The following CSMD1 variants were observed in gnomAD, a reference collection of about 807,000 sequenced individuals.
The protein encoded by CSMD1 is CUB and Sushi multiple domains 1, also known as CUB and sushi domain-containing protein 1.
A neutral mutation model predicts 417.5 loss-of-function variants in CSMD1; 213 were observed. The ratio of observed to expected loss-of-function variants is 0.51; its 90% CI spans 0.46 to 0.57. CSMD1 has a LOEUF of 0.57. Ranked by LOEUF, CSMD1 falls within the 20% of genes least tolerant of loss-of-function variation. The probability of loss-of-function intolerance (pLI) is 0.00; values close to 1 mark genes in which losing one functional copy is unlikely to be tolerated. For synonymous variants in CSMD1, 2,862 were observed against 1,736.8 expected (o/e 1.65, Z -16.11); for missense variants, 6,923 against 4,529.7 (o/e 1.53, Z -15.17).
chr8:4,172,673 G>T (rs996360965), intron 3 of CSMD1, among the ~76,000 whole-genome samples: 1 of 152,162 alleles, frequency 6.6e-6, no homozygotes, highest in African/African-American at 2.4e-5. Flanking sequence ...GCTGGACCAG[G>T]TGTTTCACAC....
intron 5 of CSMD1, among the ~76,000 whole-genome samples, chr8:3,812,621 T>C (rs1019615768): frequency 1.3e-5 from 2 of 152,244 alleles, no homozygotes; most frequent in East Asian, 3.9e-4. Flanking sequence ...GGAAAATACA[T>C]TGACTGACAA....
intron 3 of CSMD1, among the ~76,000 whole-genome samples, chr8:4,294,556 G>A (rs1283480065): frequency 1.3e-5 from 2 of 152,092 alleles, no homozygotes; most frequent in Admixed American, 6.6e-5. Flanking sequence ...ACTTGTCCAT[G>A]GTGCCATGTT....
chr8:3,773,336 T>A (rs1246684087), intron 5 of CSMD1, among the ~76,000 whole-genome samples: 1 of 152,066 alleles, frequency 6.6e-6, no homozygotes, highest in African/African-American at 2.4e-5. Context: ...CAGGCTGGAG[T>A]GCAGTGGTGC....
intron 3 of CSMD1, among the ~76,000 whole-genome samples, chr8:4,149,215 C>T (rs150406310): frequency 2.0e-4 from 30 of 152,174 alleles, no homozygotes; most frequent in Middle Eastern, 3.4e-3. Context: ...CCGTCCACCT[C>T]GGCCTCCCAA....
intron 37 of CSMD1, among the ~76,000 whole-genome samples, chr8:3,172,757 A>G (rs1354470358): frequency 1.3e-5 from 2 of 152,190 alleles, no homozygotes; most frequent in Admixed American, 6.5e-5. Flanking sequence ...CAAACCAAAC[A>G]TCGTCTCCCA....
chr8:4,177,283 A>C (rs10090965), intron 3 of CSMD1, among the ~76,000 whole-genome samples: 43,744 of 151,956 alleles, frequency 0.29, 6,643 homozygotes, highest in South Asian at 0.42. Context: ...AACTCACTCA[A>C]AACCGCTCAA....
At chr8:4,472,687 A>G (rs928057844) in intron 2 of CSMD1, among the ~76,000 whole-genome samples, 1 of 152,048 alleles carries the variant, frequency 6.6e-6, no homozygotes, top group African/African-American at 2.4e-5. Flanking sequence ...TATATCAAGA[A>G]AATATTGAAA....
chr8:4,127,231 C>G (rs1802817071), intron 3 of CSMD1, among the ~76,000 whole-genome samples: 1 of 152,114 alleles, frequency 6.6e-6, no homozygotes, highest in Middle Eastern at 3.4e-3. Flanking sequence ...AACCCATGGC[C>G]TTACGGAAAG....
At chr8:4,409,305 G>A (rs1358367906) in intron 3 of CSMD1, among the ~76,000 whole-genome samples, 2 of 152,008 alleles carry the variant, frequency 1.3e-5, no homozygotes, top group African/African-American at 4.8e-5. Context: ...CAATATATGT[G>A]TTTTTTCTTC....
chr8:4,740,696 G>A (rs756964072), intron 1 of CSMD1, among the ~76,000 whole-genome samples: 56 of 152,180 alleles, frequency 3.7e-4, no homozygotes, highest in Non-Finnish European at 6.5e-4. Flanking sequence ...AGGAGGGTGA[G>A]GTTGAAGTGA....
chr8:4,412,770 C>T (rs1276349337), intron 3 of CSMD1, among the ~76,000 whole-genome samples: 1 of 152,092 alleles, frequency 6.6e-6, no homozygotes, highest in Non-Finnish European at 1.5e-5. Flanking sequence ...TACATTGATA[C>T]CTATACTGAT....
At chr8:4,652,411 G>T (rs1759491082) in intron 1 of CSMD1, among the ~76,000 whole-genome samples, 1 of 152,078 alleles carries the variant, frequency 6.6e-6, no homozygotes, top group Non-Finnish European at 1.5e-5. Context: ...TTCTGCTTTG[G>T]GAGGAAGTGG....
chr8:3,679,229 C>G (rs553873389), intron 7 of CSMD1, among the ~76,000 whole-genome samples: 1 of 152,236 alleles, frequency 6.6e-6, no homozygotes, highest in African/African-American at 2.4e-5. Flanking sequence ...AATTACAAGA[C>G]GCAGACTGGC....
chr8:4,982,134 G>A (rs1810923321), intron 1 of CSMD1, among the ~76,000 whole-genome samples: 1 of 152,192 alleles, frequency 6.6e-6, no homozygotes, highest in Non-Finnish European at 1.5e-5. Context: ...CTTGATGGCT[G>A]CTTTGTGAGA....
intron 1 of CSMD1, among the ~76,000 whole-genome samples, chr8:4,905,226 T>C (rs1429816546): frequency 6.6e-6 from 1 of 152,106 alleles, no homozygotes; most frequent in Non-Finnish European, 1.5e-5. Flanking sequence ...CATACAGGCA[T>C]TATCTCTCCT....
At chr8:4,302,938 G>T (rs901379284) in intron 3 of CSMD1, among the ~76,000 whole-genome samples, 2 of 151,870 alleles carry the variant, frequency 1.3e-5, no homozygotes, top group South Asian at 4.2e-4. Flanking sequence ...GGAAAATGCT[G>T]CTTCCCTTTA....
chr8:3,269,951 CA>C (rs1461157132), intron 26 of CSMD1, among the ~76,000 whole-genome samples: 3 of 151,320 alleles, frequency 2.0e-5, no homozygotes, highest in Non-Finnish European at 4.4e-5. Context: ...GCACATAAAG[CA>C]AAGTTTAGGT....
At chr8:4,213,102 CCAGTGGAGCATGCTTAGACTCAAAG>C (rs1433257851) in intron 3 of CSMD1, among the ~76,000 whole-genome samples, 20 of 152,048 alleles carry the variant, frequency 1.3e-4, no homozygotes, top group African/African-American at 4.8e-4. Context: ...GATGCTTCAC[CCAGTGGAGCATGCTTAGACTCAAAG>C]ACAACATCTG....
intron 12 of CSMD1, among the ~76,000 whole-genome samples, chr8:3,416,302 C>T (rs1249955097): frequency 3.4e-5 from 2 of 58,890 alleles, no homozygotes; most frequent in Non-Finnish European, 6.0e-5. Flanking sequence ...GACTCCGTCT[C>T]AAAAAAAAAA....
Sources: allele counts gnomAD v4.1 joint callset (sites outside exome capture counted in the v4.1 genomes callset), GRCh38; gene constraint gnomAD v4.1.1; transcripts MANE v1.5; gene names NCBI Gene and HGNC (gene_info 2026-07-23, HGNC 2026-07-21).